The following SAMD5 variants were observed in gnomAD, a reference collection of about 807,000 sequenced individuals.
SAMD5 encodes the protein sterile alpha motif domain-containing protein 5.
A neutral mutation model predicts 11.3 loss-of-function variants in SAMD5; 13 were observed. The observed-to-expected ratio is 1.15, with a 90% CI of 0.75 to 1.83. The LOEUF is 1.83. SAMD5 is among the 40% of genes most tolerant of loss of function. The pLI is 0.00. For missense variants in SAMD5, 255 were observed against 239.1 expected, an observed-to-expected ratio of 1.07 and a Z score of -0.44; for synonymous variants, 129 against 111.3, an observed-to-expected ratio of 1.16 and a Z score of -1.00.
In SAMD5 at chr6:147,566,834, G is replaced by C; in HGVS notation, c.*2378G>C. 6 of 978,834 alleles carry C rather than the reference G, an allele frequency of 6.1e-6. No homozygotes were observed. Among genetic ancestry groups the C allele is most frequent in the Non-Finnish European group, 7.3e-6 (6 of 824,066 alleles). 60.6% of individuals were successfully genotyped at this position (978,834 alleles called of 1,614,324 possible). A position where few individuals can be genotyped will look rare whatever the true frequency, so the allele number is the denominator to read the frequency against. ...CATTAAAATCAAGATGAGGTAAGAGGTAGAATATAAGAGAAAGGGATTATT... is the reference window on the plus strand; with the variant it reads ...CATTAAAATCAAGATGAGGTAAGAGCTAGAATATAAGAGAAAGGGATTATT... On this transcript the variant is annotated 3_prime_UTR_variant, in exon 2 of 2. Transcript: ENST00000367474.
chr6:147,521,006 T>A (rs1356804372), intron 1 of SAMD5, among the ~76,000 whole-genome samples: 3 of 152,236 alleles, frequency 2.0e-5, no homozygotes, highest in Middle Eastern at 3.4e-3. Context: ...TACCCAACAT[T>A]TTCCCATTCT....
At chr6:147,678,896 ACAAT>A (rs1790901814) in intron 1 of SAMD5, among the ~76,000 whole-genome samples, 1 of 152,148 alleles carries the variant, frequency 6.6e-6, no homozygotes, top group South Asian at 2.1e-4. Flanking sequence ...AACCATCACC[ACAAT>A]CAAGATAATG....
At chr6:147,860,601 GC>G in the SAMD5 span, among the ~76,000 whole-genome samples, 1 of 152,200 alleles carries the variant, frequency 6.6e-6, no homozygotes, top group Non-Finnish European at 1.5e-5. Context: ...GCCAGCAAGA[GC>G]CTTAGGAGCT....
At chr6:147,948,699 A>G in the SAMD5 span, among the ~76,000 whole-genome samples, 1 of 151,820 alleles carries the variant, frequency 6.6e-6, no homozygotes, top group Non-Finnish European at 1.5e-5. Context: ...CATTGGATCT[A>G]TTTGCCTTTT....
At chr6:147,878,602 TATCTATATA>T in the SAMD5 span, among the ~76,000 whole-genome samples, 1 of 145,192 alleles carries the variant, frequency 6.9e-6, no homozygotes, top group Non-Finnish European at 1.5e-5. Context: ...TATACATATA[TATCTATATA>T]GATATATATG....
At chr6:147,873,075 G>A in the SAMD5 span, among the ~76,000 whole-genome samples, 1 of 152,156 alleles carries the variant, frequency 6.6e-6, no homozygotes, top group Non-Finnish European at 1.5e-5. Context: ...GAAACTAGCT[G>A]TATATTAAAA....
intron 1 of SAMD5, among the ~76,000 whole-genome samples, chr6:147,699,145 T>G (rs963276142): frequency 6.6e-6 from 1 of 152,150 alleles, no homozygotes; most frequent in African/African-American, 2.4e-5. Context: ...GGAATCTTGT[T>G]TAGCGGACCT....
the SAMD5 span, among the ~76,000 whole-genome samples, chr6:147,950,713 G>A: frequency 1.3e-5 from 2 of 152,018 alleles, no homozygotes; most frequent in Non-Finnish European, 2.9e-5. Flanking sequence ...GAATCCAAAC[G>A]TTTGGACCTC....
At chr6:147,806,303 T>TGCGC in the SAMD5 span, among the ~76,000 whole-genome samples, 1 of 141,074 alleles carries the variant, frequency 7.1e-6, no homozygotes, top group Non-Finnish European at 1.5e-5. Context: ...AGTGTGCGCA[T>TGCGC]GCGCGCGCGC....
chr6:147,796,002 C>T, the SAMD5 span, among the ~76,000 whole-genome samples: 1 of 147,204 alleles, frequency 6.8e-6, no homozygotes, highest in Non-Finnish European at 1.5e-5. Context: ...AAAATTTTCT[C>T]CCATTTTGTA....
chr6:147,925,152 G>A, the SAMD5 span, among the ~76,000 whole-genome samples: 1 of 152,132 alleles, frequency 6.6e-6, no homozygotes, highest in Non-Finnish European at 1.5e-5. Context: ...GGGGCCTTTG[G>A]TATGTAATTA....
chr6:147,617,329 G>A (rs1789887870), intron 1 of SAMD5, among the ~76,000 whole-genome samples: 2 of 152,194 alleles, frequency 1.3e-5, no homozygotes, highest in Admixed American at 6.5e-5. Context: ...TGGTGGTTGT[G>A]TGTTCAGCCC....
the SAMD5 span, among the ~76,000 whole-genome samples, chr6:147,751,931 T>C: frequency 1.7e-3 from 253 of 152,294 alleles, 1 homozygote; most frequent in African/African-American, 5.7e-3. Context: ...TCTGGTAATA[T>C]AGTAATAACT....
the SAMD5 span, among the ~76,000 whole-genome samples, chr6:147,927,039 C>G: frequency 6.6e-6 from 1 of 152,158 alleles, no homozygotes; most frequent in Non-Finnish European, 1.5e-5. Flanking sequence ...GTTTTTGTAT[C>G]AGTACCAAGC....
chr6:147,938,799 T>C, the SAMD5 span, among the ~76,000 whole-genome samples: 24 of 152,316 alleles, frequency 1.6e-4, no homozygotes, highest in African/African-American at 5.8e-4. Context: ...CGACTTGGTA[T>C]GTACTGTTTT....
intron 1 of SAMD5, among the ~76,000 whole-genome samples, chr6:147,719,686 A>G (rs1262855478): frequency 2.6e-5 from 4 of 152,196 alleles, no homozygotes. Context: ...AAATATACTC[A>G]GTAAATCGTG....
intron 1 of SAMD5, among the ~76,000 whole-genome samples, chr6:147,696,923 C>T (rs925386573): frequency 9.2e-5 from 14 of 152,168 alleles, no homozygotes; most frequent in Non-Finnish European, 1.3e-4. Context: ...GCATAAGTCT[C>T]TTAAAGCAAA....
chr6:147,864,450 C>T, the SAMD5 span, among the ~76,000 whole-genome samples: 3 of 152,166 alleles, frequency 2.0e-5, no homozygotes, highest in Non-Finnish European at 4.4e-5. Context: ...CGTCTCTGAG[C>T]AGTGCTCCAC....
In SAMD5 at chr6:147,569,279, T is replaced by A. The variant is rs1789097638; in HGVS notation, c.*4823T>A. The A allele has an allele frequency of 2.5e-6, 1 of 406,002 alleles. No homozygotes were observed. Among genetic ancestry groups the A allele is most frequent in the African/African-American group, 2.2e-5 (1 of 46,200 alleles). The allele number at this position is 406,002 out of a possible 1,614,324, so 25.1% of individuals were successfully genotyped here. ...TTGAAGAACATAACTTTTCTACTTA[T>A]GAAATAGATAATTTTTTAAAATTGT... On this transcript the variant is annotated 3_prime_UTR_variant, in exon 2 of 2. Transcript: ENST00000367474.
Sources: allele counts gnomAD v4.1 joint callset (sites outside exome capture counted in the v4.1 genomes callset), GRCh38; gene constraint gnomAD v4.1.1; transcripts MANE v1.5; gene names NCBI Gene and HGNC (gene_info 2026-07-23, HGNC 2026-07-21).